GBF1: variants seen among roughly 807,000 people sequenced by gnomAD.
GBF1 encodes the protein golgi brefeldin A resistant guanine nucleotide exchange factor 1.
In GBF1, 114 loss-of-function variants were observed where a neutral mutation model predicts 210.5. That is an observed-to-expected ratio of 0.54 (90% confidence interval 0.47 to 0.63). The LOEUF is 0.63. Among genes scored for constraint, GBF1 ranks in the 30% least tolerant of loss-of-function variants. The probability of loss-of-function intolerance (pLI) is 0.00; values close to 1 mark genes in which losing one functional copy is unlikely to be tolerated. For synonymous variants in GBF1, 850 were observed against 889.2 expected, an observed-to-expected ratio of 0.96 and a Z score of 0.78; for missense variants, 1,851 against 2,357.7, an observed-to-expected ratio of 0.79 and a Z score of 4.45.
Position 102,376,573 on chromosome 10 carries a change from A to G in GBF1, c.4061A>G (p.Asp1354Gly). The change falls in exon 32 of 40, where the codon GAC becomes GGC. Residue 1354 changes from aspartate to glycine, a missense_variant. Physicochemically the swap from Asp to Gly is moderately conservative, Grantham distance 94. Transcript: ENST00000369983. The stretch of plus-strand genomic sequence containing the variant: ...TGTACTTTACAGGTTGGGAAGGATG[A>G]CGTTGATAACTCCAAGCCAGGGCCC... ...NSGWLVVGKD[D>G]VDNSKPGPSR... 1 of 1,614,068 alleles carries G rather than the reference A, an allele frequency of 6.2e-7. No individual in the cohort carries two copies. Among genetic ancestry groups the G allele is most frequent in the South Asian group, 1.1e-5 (1 of 91,068 alleles).
intron 3 of GBF1, among the ~76,000 whole-genome samples, chr10:102,268,873 G>A (rs2074132532): frequency 6.6e-6 from 1 of 152,228 alleles, no homozygotes; most frequent in African/African-American, 2.4e-5. Context: ...TCTGTTAGAA[G>A]ATGGAGTTGG....
At chr10:102,376,503 A>G in intron 31 of GBF1, 57 bp from the exon 32 acceptor site, 2 of 1,610,698 alleles carry the variant, frequency 1.2e-6, no homozygotes, top group Non-Finnish European at 1.7e-6. Flanking sequence ...GGTCCTCTGC[A>G]AGGACATTCA....
At chr10:102,372,264 C>A (rs1315819810) in intron 29 of GBF1, among the ~76,000 whole-genome samples, 1 of 151,272 alleles carries the variant, frequency 6.6e-6, no homozygotes, top group Non-Finnish European at 1.5e-5. Flanking sequence ...CGTCTGTAAT[C>A]CCAACACTTT....
At chr10:102,232,746 A>T in the GBF1 span, among the ~76,000 whole-genome samples, 1 of 152,232 alleles carries the variant, frequency 6.6e-6, no homozygotes, top group African/African-American at 2.4e-5. Flanking sequence ...ATCTGCAAAA[A>T]CTTAAAATCC....
chr10:102,260,566 C>T (rs540365683), intron 3 of GBF1, among the ~76,000 whole-genome samples: 58 of 142,674 alleles, frequency 4.1e-4, no homozygotes, highest in African/African-American at 1.4e-3. Flanking sequence ...CAACCTCTGC[C>T]TCCTGGGTTT....
intron 1 of GBF1, among the ~76,000 whole-genome samples, chr10:102,247,065 A>G (rs915688368): frequency 1.3e-5 from 2 of 152,210 alleles, no homozygotes; most frequent in Non-Finnish European, 2.9e-5. Context: ...TGTGATCAGG[A>G]CTTGTGGCCT....
chr10:102,315,554 C>T lies in GBF1; in HGVS notation c.164-28497C>T, dbSNP rs192136782. On this transcript the variant is annotated intron_variant, in intron 3 of 39. Coordinates refer to ENST00000369983, the MANE Select transcript of GBF1 (RefSeq NM_001377137.1). ...GGGAGGTGTTTGGGATGAAAGTGTT[C>T]GACCTCAGCTCATCAGGCATTAGAT... Among the ~76,000 whole-genome samples the T allele has an allele frequency of 2.0e-4, 31 of 152,264 alleles. No individual in the cohort carries two copies. In the East Asian group the frequency reaches 5.2e-3, roughly 26 times the overall value.
chr10:102,370,942 C>A lies in GBF1; in HGVS notation c.3660+82C>A, dbSNP rs376382171. On this transcript the variant is annotated intron_variant, in intron 29 of 39. Transcript: ENST00000369983. ...TGTCAATTATGAATATGGCCTGAGA[C>A]AGAGAGTACATTTAGTGCCCCATAG... 57 of 1,317,780 alleles carry A rather than the reference C, an allele frequency of 4.3e-5. 1 individual carries two copies. In the East Asian group the frequency reaches 6.5e-4, roughly 15 times the overall value. 81.6% of individuals were successfully genotyped at this position (1,317,780 alleles called of 1,614,324 possible).
At position 102,380,266 on chromosome 10, in the gene GBF1, G is replaced by A. The variant is rs112576919; in HGVS notation, c.4896G>A (p.Leu1632=). 214 of 1,613,554 alleles carry A rather than the reference G, an allele frequency of 1.3e-4. 1 individual carries two copies. In the African/African-American group the frequency reaches 2.3e-3, roughly 17 times the overall value. ...TLLSKVFLQH[L]SPLLSLSTFA... ...GGCCATAGGTCTTCCTGCAGCACCT[G>A]TCTCCACTGCTGTCACTCTCTACCT... is the stretch of plus-strand genomic sequence containing the variant. The change falls in exon 37 of 40, where the codon CTG becomes CTA. Residue 1632 remains leucine (L), a synonymous_variant. Transcript: ENST00000369983.
At chr10:102,266,782 A>T (rs990359543) in intron 3 of GBF1, among the ~76,000 whole-genome samples, 4 of 152,216 alleles carry the variant, frequency 2.6e-5, no homozygotes, top group Non-Finnish European at 5.9e-5. Flanking sequence ...GGGGGATAGG[A>T]TATTTCTTTA....
At chr10:102,335,323 T>C (rs904013478) in intron 3 of GBF1, among the ~76,000 whole-genome samples, 1 of 152,196 alleles carries the variant, frequency 6.6e-6, no homozygotes, top group African/African-American at 2.4e-5. Context: ...TTTACTGGAC[T>C]GTTTGTGCCT....
intron 3 of GBF1, among the ~76,000 whole-genome samples, chr10:102,322,875 C>T (rs942998018): frequency 6.6e-6 from 1 of 151,988 alleles, no homozygotes; most frequent in South Asian, 2.1e-4. Flanking sequence ...TGAGATCACA[C>T]CACTGTAGTC....
chr10:102,312,295 GA>G (rs199516651), intron 3 of GBF1, among the ~76,000 whole-genome samples: 17,418 of 128,856 alleles, frequency 0.14, 1,203 homozygotes, highest in Middle Eastern at 0.28. Flanking sequence ...CTCTGTCTCA[GA>G]AAAAAAAAAA....
intron 3 of GBF1, among the ~76,000 whole-genome samples, chr10:102,337,627 G>A (rs2057857833): frequency 6.6e-6 from 1 of 152,130 alleles, no homozygotes; most frequent in African/African-American, 2.4e-5. Flanking sequence ...TGAGACAGGT[G>A]GACCACCTGA....
intron 1 of GBF1, 50 bp from the exon 2 acceptor site, chr10:102,258,879 C>A: frequency 1.1e-6 from 1 of 950,118 alleles, no homozygotes; most frequent in Non-Finnish European, 1.7e-6. Context: ...CTTGGGTATG[C>A]TTTGGGTAAC....
At position 102,379,591 on chromosome 10, in the gene GBF1, A is replaced by C; in HGVS notation, c.4716A>C (p.Ala1572=). 9.9e-6 allele frequency: 16 copies of C among 1,614,164 alleles called. No individual in the cohort carries two copies. The highest frequency in any genetic ancestry group is 1.4e-5 in the Non-Finnish European group (16 of 1,180,008). ...RMQALTYLQR[A]LLVHDLQKLD... is the part of the protein sequence containing the mutation. ...AGGCACTGACCTATCTGCAGCGAGC[A>C]CTACTTGTACATGATCTGCAAAAGC... is the stretch of plus-strand genomic sequence containing the variant. Residue 1572 remains alanine (A), a synonymous_variant, in exon 35 of 40, where the codon GCA becomes GCC. Transcript: ENST00000369983.
chr10:102,323,597 T>C (rs1426994277), intron 3 of GBF1, among the ~76,000 whole-genome samples: 1 of 151,018 alleles, frequency 6.6e-6, no homozygotes, highest in Non-Finnish European at 1.5e-5. Flanking sequence ...TTTTCCTTTA[T>C]GTGGAGAACG....
At chr10:102,307,999 A>G (rs2078065226) in intron 3 of GBF1, among the ~76,000 whole-genome samples, 1 of 152,174 alleles carries the variant, frequency 6.6e-6, no homozygotes, top group South Asian at 2.1e-4. Flanking sequence ...AAGATACACA[A>G]TATCAAGTGA....
chr10:102,311,176 T>A (rs771962319), intron 3 of GBF1, among the ~76,000 whole-genome samples: 5 of 152,208 alleles, frequency 3.3e-5, no homozygotes, highest in Non-Finnish European at 7.3e-5. Flanking sequence ...CTGTAAATAC[T>A]CCTAGTCACT....
Sources: allele counts gnomAD v4.1 joint callset (sites outside exome capture counted in the v4.1 genomes callset), GRCh38; gene constraint gnomAD v4.1.1; transcripts MANE v1.5; gene names NCBI Gene and HGNC (gene_info 2026-07-23, HGNC 2026-07-21).